Variants in ARL16 observed in about 807,000 individuals in gnomAD.
ARL16 encodes the protein ARF like GTPase 16.
Under a neutral mutation model 14.1 loss-of-function variants are expected in ARL16, and 21 were observed. The ratio of observed to expected loss-of-function variants is 1.48; its 90% confidence interval spans 1.05 to 2.14. The LOEUF (loss-of-function observed/expected upper bound fraction) is 2.14. Ranked by LOEUF, ARL16 falls within the 30% of genes most tolerant of loss-of-function variation. ARL16 has a pLI of 0.00. For missense variants in ARL16, 248 were observed against 222.0 expected, an observed-to-expected ratio of 1.12 and a Z score of -0.74; for synonymous variants, 122 against 91.8, an observed-to-expected ratio of 1.33 and a Z score of -1.88.
In ARL16 at chr17:81,681,592, C is replaced by T. The variant is rs529425083; in HGVS notation, c.*116G>A. On this transcript the variant is annotated 3_prime_UTR_variant, in exon 5 of 5. Coordinates refer to ENST00000622299, the MANE Select transcript of ARL16 (RefSeq NM_001040025.3). Reference sequence around the variant, plus strand: ...ATTGCATCTCAGCACAGAGCCCCATCATGTAGGGTTACTTTGGGTTATTCT... The same window carrying T: ...ATTGCATCTCAGCACAGAGCCCCATTATGTAGGGTTACTTTGGGTTATTCT... 5.8e-6 allele frequency: 7 copies of T among 1,197,720 alleles called. No individual in the cohort carries two copies. The Admixed American group carries it at 8.3e-5, about 14-fold the overall frequency. 74.2% of individuals were successfully genotyped at this position (1,197,720 alleles called of 1,614,324 possible).
intron 3 of ARL16, 40 bp from the exon 4 acceptor site, chr17:81,682,189 C>G: frequency 6.8e-7 from 1 of 1,473,280 alleles, no homozygotes; most frequent in Non-Finnish European, 9.2e-7. Flanking sequence ...GCCCCGCTGC[C>G]AAACTTCCTC....
Position 81,681,864 on chromosome 17 carries a change from G to T in ARL16, c.366C>A (p.Tyr122Ter). ...ILFNKIDLPC[Y>*]MSTEEMKSLI... ...ATGACTTCATCTCCTCCGTGGACATGTAACAGGGTAGGTCGCTGGAGAGAA... is the reference window on the plus strand; with the variant it reads ...ATGACTTCATCTCCTCCGTGGACATTTAACAGGGTAGGTCGCTGGAGAGAA... The change falls in exon 5 of 5, where the codon TAC becomes TAA. Residue 122 changes from tyrosine (Y) to a stop codon, truncating the protein, a stop_gained. Coordinates refer to ENST00000622299, the MANE Select transcript of ARL16 (RefSeq NM_001040025.3). LOFTEE classifies it high-confidence loss of function. 6.2e-7 allele frequency: 1 copy of T among 1,612,736 alleles called. No homozygotes were observed. The highest frequency in any genetic ancestry group is 2.2e-5 in the East Asian group (1 of 44,868).
At chr17:81,682,838 A>G in intron 3 of ARL16, 175 bp downstream of exon 3, 1 of 629,090 alleles carries the variant, frequency 1.6e-6, no homozygotes, top group East Asian at 2.9e-5. Context: ...CGCAAGCACC[A>G]GAAACCAGAC....
In ARL16 at chr17:81,683,711, G is replaced by A. The variant is rs778619798; in HGVS notation, c.43C>T (p.Leu15=). 2.5e-6 allele frequency: 4 copies of A among 1,606,704 alleles called. No homozygotes were observed. The highest frequency in any genetic ancestry group is 2.2e-5 in the East Asian group (1 of 44,632). ...AGGATATCCTGCAGCCGTTTCACCA[G>A]CAGCGTCTTCCCGACGCCCGTGGCC... is the stretch of plus-strand genomic sequence containing the variant. ...LGATGVGKTL[L]VKRLQEVSSR... is the part of the protein sequence containing the mutation. Residue 15 remains leucine, a synonymous_variant, in exon 1 of 5, where the codon CTG becomes TTG. Coordinates refer to ENST00000622299, the MANE Select transcript of ARL16 (RefSeq NM_001040025.3).
intron 1 of ARL16, 42 bp from the exon 2 acceptor site, chr17:81,683,636 C>T (rs1294150928): frequency 3.8e-6 from 6 of 1,591,486 alleles, no homozygotes; most frequent in Admixed American, 1.8e-5. Flanking sequence ...AGGGTGAGTC[C>T]CCGCCCCACT....
intron 3 of ARL16, 23 bp from the exon 4 acceptor site, chr17:81,682,172 C>A: frequency 6.5e-7 from 1 of 1,549,696 alleles, no homozygotes; most frequent in Non-Finnish European, 8.8e-7. Flanking sequence ...AAAAAGACAG[C>A]AGCAATGCCC....
At position 81,683,687 on chromosome 17, in the gene ARL16, G is replaced by T; in HGVS notation, c.61+6C>A. On this transcript the variant is annotated splice_donor_region_variant and intron_variant, in intron 1 of 4. Transcript: ENST00000622299. The stretch of plus-strand genomic sequence containing the variant: ...GCCCCGGTCCCGTCCCCGCGCGGAA[G>T]GATATCCTGCAGCCGTTTCACCAGC... 6.2e-7 allele frequency: 1 copy of T among 1,602,122 alleles called. No individual in the cohort carries two copies. The highest frequency in any genetic ancestry group is 2.3e-5 in the East Asian group (1 of 44,424).
intron 4 of ARL16, 39 bp downstream of exon 4, chr17:81,681,995 C>T (rs1423412881): frequency 1.3e-6 from 2 of 1,571,994 alleles, no homozygotes; most frequent in Non-Finnish European, 8.7e-7. Context: ...AGGGAGCCCC[C>T]GCCCCCGCTG....
chr17:81,683,133 G>C lies in ARL16; in HGVS notation c.121-7C>G, dbSNP rs375632207. The C allele has an allele frequency of 1.2e-6, 2 of 1,601,278 alleles. No homozygotes were observed. The highest frequency in any genetic ancestry group is 1.3e-5 in the African/African-American group (1 of 74,134). On this transcript the variant is annotated splice_polypyrimidine_tract_variant and splice_region_variant and intron_variant, in intron 2 of 4. Coordinates refer to ENST00000622299, the MANE Select transcript of ARL16 (RefSeq NM_001040025.3). ...CAGTAAGATTGGTGCCCACCTATAG[G>C]AAAAACCACGATGCAAAAAGAACAA...
At position 81,682,086 on chromosome 17, in the gene ARL16, G is replaced by A. The variant is rs747798159; in HGVS notation, c.298C>T (p.Leu100Phe). 111 of 1,613,218 alleles carry A rather than the reference G, an allele frequency of 6.9e-5. No individual in the cohort carries two copies. The highest frequency in any genetic ancestry group is 8.4e-5 in the Non-Finnish European group (99 of 1,179,744). ...GCTTCTGCAAGTTGTTCTGCAGAAA[G>A]GAGACCTAAGAGCTGCACACAGGAT... The part of the protein sequence containing the change: ...SASCVQLLGL[L>F]SAEQLAEASV... The change falls in exon 4 of 5, where the codon CTT becomes TTT. Residue 100 changes from leucine to phenylalanine, a missense_variant. Coordinates refer to ENST00000622299, the MANE Select transcript of ARL16 (RefSeq NM_001040025.3).
intron 3 of ARL16, 157 bp downstream of exon 3, chr17:81,682,856 C>T: frequency 1.5e-6 from 1 of 673,460 alleles, no homozygotes; most frequent in Non-Finnish European, 2.5e-6. Flanking sequence ...GACAGGGTGC[C>T]CAGCAGGAAG....
chr17:81,683,692 TC>T lies in ARL16; in HGVS notation c.61del (p.Glu21ArgfsTer2). ...GKTLLVKRLQ[E>X]VSSRDGKGDL... ...GGTCCCGTCCCCGCGCGGAAGGATA[TC>T]CTGCAGCCGTTTCACCAGCAGCGTC... is the stretch of plus-strand genomic sequence containing the variant. On this transcript the variant is annotated frameshift_variant and splice_region_variant, in exon 1 of 5. Coordinates refer to ENST00000622299, the MANE Select transcript of ARL16 (RefSeq NM_001040025.3). LOFTEE classifies it high-confidence loss of function. 1 of 1,603,466 alleles carries T rather than the reference TC, an allele frequency of 6.2e-7. No homozygotes were observed. The highest frequency in any genetic ancestry group is 8.5e-7 in the Non-Finnish European group (1 of 1,176,460).
rs1176741813 is a variant in ARL16, at chr17:81,681,681, C to G, written c.*27G>C. 1.3e-6 allele frequency: 2 copies of G among 1,568,414 alleles called. No homozygotes were observed. The highest frequency in any genetic ancestry group is 1.4e-5 in the African/African-American group (1 of 73,714). ...TGCCCTCTGCCACCTCTCCCCAGCT[C>G]AGGCCAGCTGCGCCTCTGCCGTGCA... On this transcript the variant is annotated 3_prime_UTR_variant, in exon 5 of 5. Coordinates refer to ENST00000622299, the MANE Select transcript of ARL16 (RefSeq NM_001040025.3).
At position 81,681,688 on chromosome 17, in the gene ARL16, G is replaced by T; in HGVS notation, c.*20C>A. The T allele has an allele frequency of 6.3e-7, 1 of 1,580,106 alleles. No homozygotes were observed. The highest frequency in any genetic ancestry group is 8.6e-7 in the Non-Finnish European group (1 of 1,164,446). On this transcript the variant is annotated 3_prime_UTR_variant, in exon 5 of 5. Transcript: ENST00000622299. ...TGCCACCTCTCCCCAGCTCAGGCCA[G>T]CTGCGCCTCTGCCGTGCAGTCAATC... is the stretch of plus-strand genomic sequence containing the variant.
chr17:81,681,509 C>A lies in ARL16; in HGVS notation c.*199G>T, dbSNP rs2036843822. On this transcript the variant is annotated 3_prime_UTR_variant, in exon 5 of 5. Transcript: ENST00000622299. ...AGCCACCATGCCTAGCCCCTGGGGA[C>A]ACTTTTTTCAGAGGCCAGATGTCAA... 3.0e-6 allele frequency: 2 copies of A among 657,334 alleles called. No homozygotes were observed. Among genetic ancestry groups the A allele is most frequent in the Admixed American group, 3.4e-5 (1 of 29,134 alleles). 40.7% of individuals were successfully genotyped at this position (657,334 alleles called of 1,614,324 possible).
chr17:81,681,893 G>A lies in ARL16; in HGVS notation c.351-14C>T, dbSNP rs2036852449. Reference sequence around the variant, plus strand: ...CAGGGTAGGTCGCTGGAGAGAAAGAGGTGCCCCATCAGAGCAGTGGCAGCC... The same window carrying A: ...CAGGGTAGGTCGCTGGAGAGAAAGAAGTGCCCCATCAGAGCAGTGGCAGCC... On this transcript the variant is annotated splice_polypyrimidine_tract_variant and intron_variant, in intron 4 of 4. Transcript: ENST00000622299. The A allele has an allele frequency of 1.9e-6, 3 of 1,609,520 alleles. No individual in the cohort carries two copies. Among genetic ancestry groups the A allele is most frequent in the Non-Finnish European group, 1.7e-6 (2 of 1,178,064 alleles).
At chr17:81,682,672 A>C (rs1263475679) in intron 3 of ARL16, 1 of 307,568 alleles carries the variant, frequency 3.3e-6, no homozygotes, top group Non-Finnish European at 6.1e-6. Context: ...TCCGCGGCAC[A>C]GGCCTTATCA....
intron 1 of ARL16, 45 bp from the exon 2 acceptor site, chr17:81,683,639 G>A (rs998513914): frequency 2.6e-5 from 41 of 1,590,644 alleles, no homozygotes; most frequent in Non-Finnish European, 3.5e-5. Flanking sequence ...GTGAGTCCCC[G>A]CCCCACTCCG....
intron 4 of ARL16, 31 bp from the exon 5 acceptor site, chr17:81,681,910 G>A (rs2144463777): frequency 5.0e-6 from 8 of 1,600,150 alleles, no homozygotes; most frequent in Non-Finnish European, 6.8e-6. Flanking sequence ...CATCAGAGCA[G>A]TGGCAGCCAC....
Sources: allele counts gnomAD v4.1 joint callset, GRCh38; gene constraint gnomAD v4.1.1; transcripts MANE v1.5; gene names NCBI Gene and HGNC (gene_info 2026-07-23, HGNC 2026-07-21).